DOCK2: variants seen among roughly 807,000 people sequenced by gnomAD.
DOCK2 encodes the protein dedicator of cytokinesis protein 2.
Under a neutral mutation model 248.9 loss-of-function variants are expected in DOCK2, and 87 were observed. The ratio of observed to expected loss-of-function variants is 0.35; its 90% CI spans 0.29 to 0.42. The LOEUF (loss-of-function observed/expected upper bound fraction) is 0.42, where lower values mean the gene tolerates loss of function less well. Ranked by LOEUF, DOCK2 falls within the 10% of genes least tolerant of loss-of-function variation. The pLI, the probability that DOCK2 is intolerant of heterozygous loss-of-function variation, is 1.00. For synonymous variants in DOCK2, 805 were observed against 821.6 expected (o/e 0.98, Z 0.35); for missense variants, 1,747 against 2,300.2 (o/e 0.76, Z 4.92).
intron 27 of DOCK2, among the ~76,000 whole-genome samples, chr5:169,850,259 G>A (rs1048513053): frequency 6.6e-6 from 1 of 152,162 alleles, no homozygotes; most frequent in African/African-American, 2.4e-5. Flanking sequence ...AGAGGAAATG[G>A]CCATTAGAGA....
intron 33 of DOCK2, among the ~76,000 whole-genome samples, chr5:170,027,635 GCT>G (rs150089579): frequency 8.7e-5 from 13 of 149,860 alleles, no homozygotes; most frequent in Non-Finnish European, 8.9e-5. Flanking sequence ...TCTCGCACGT[GCT>G]CTCTCTCTCT....
rs1218885712 is a variant in DOCK2 at position 169,961,978 on chromosome 5, C to A, written c.2800-21090C>A. ...TGGGTGAAAAAGTGAGACTCTGTCC[C>A]AAAAAAAAAAAAAAAAATGGAGAAA... On this transcript the variant is annotated intron_variant, in intron 27 of 51. Transcript: ENST00000520908. Among the ~76,000 whole-genome samples, 210 of 74,534 alleles carry A rather than the reference C, an allele frequency of 2.8e-3. 23 individuals carry two copies. Among genetic ancestry groups the A allele is most frequent in the African/African-American group, 7.2e-3 (107 of 14,772 alleles). 48.9% of individuals were successfully genotyped at this position (74,534 alleles called of 152,430 possible). A position where few individuals can be genotyped will look rare whatever the true frequency, so the allele number is the denominator to read the frequency against.
Position 169,881,588 on chromosome 5 carries a change from A to G in DOCK2, c.2799+40736A>G, listed in dbSNP as rs1036967955. The stretch of plus-strand genomic sequence containing the variant: ...GGCCATTACAAATAAGGAAACAAGA[A>G]TGTCACGACAATAGGAGCTCACATG... On this transcript the variant is annotated intron_variant, in intron 27 of 51. Transcript: ENST00000520908. 57 of 652,824 alleles carry G rather than the reference A, an allele frequency of 8.7e-5. No homozygotes were observed. The Middle Eastern group carries it at 1.2e-3, about 14-fold the overall frequency. 40.4% of individuals were successfully genotyped at this position (652,824 alleles called of 1,614,324 possible). A position where few individuals can be genotyped will look rare whatever the true frequency, so the allele number is the denominator to read the frequency against.
chr5:169,732,440 C>T (rs1056266648), intron 22 of DOCK2, among the ~76,000 whole-genome samples: 32 of 152,148 alleles, frequency 2.1e-4, no homozygotes, highest in African/African-American at 7.7e-4. Context: ...AGAAATCCAG[C>T]CTCACCTCTT....
At chr5:169,675,827 C>T (rs1340716723) in intron 6 of DOCK2, among the ~76,000 whole-genome samples, 2 of 152,166 alleles carry the variant, frequency 1.3e-5, no homozygotes, top group Admixed American at 6.5e-5. Context: ...GGGGAGGATT[C>T]GGAGAGGAAA....
At chr5:170,038,273 T>G (rs1368796696) in intron 36 of DOCK2, among the ~76,000 whole-genome samples, 7 of 152,162 alleles carry the variant, frequency 4.6e-5, no homozygotes, top group Admixed American at 4.6e-4. Context: ...TCCAACCTTG[T>G]TTCTCCCCTT....
chr5:169,848,033 C>T, intron 27 of DOCK2, among the ~76,000 whole-genome samples: 1 of 152,160 alleles, frequency 6.6e-6, no homozygotes. Flanking sequence ...TCCTGGGGAA[C>T]AATTTCCTCA....
Position 170,047,559 on chromosome 5 carries a change from A to C in DOCK2, c.4016A>C (p.Lys1339Thr), listed in dbSNP as rs767874901. 6.2e-7 allele frequency: 1 copy of C among 1,613,830 alleles called. No individual in the cohort carries two copies. Among genetic ancestry groups the C allele is most frequent in the South Asian group, 1.1e-5 (1 of 91,004 alleles). The change falls in exon 40 of 52, where the codon AAA becomes ACA. Residue 1339 changes from lysine to threonine, a missense_variant. Coordinates refer to ENST00000520908, the MANE Select transcript of DOCK2 (RefSeq NM_004946.3). ...YESIMKILRP[K>T]PDYFAVGYYG... ...AGCATCATGAAAATCCTCAGGCCCAAACCAGACTACTTTGCTGTTGGATAC... is the reference window on the plus strand; with the variant it reads ...AGCATCATGAAAATCCTCAGGCCCACACCAGACTACTTTGCTGTTGGATAC...
chr5:169,849,927 C>A (rs547751148), intron 27 of DOCK2, among the ~76,000 whole-genome samples: 1 of 152,336 alleles, frequency 6.6e-6, no homozygotes, highest in African/African-American at 2.4e-5. Context: ...TCAATGAACA[C>A]CTGCTAAATG....
At chr5:169,965,104 A>G (rs1426644486) in intron 27 of DOCK2, among the ~76,000 whole-genome samples, 1 of 152,238 alleles carries the variant, frequency 6.6e-6, no homozygotes, top group Non-Finnish European at 1.5e-5. Context: ...ATTGCTGCAC[A>G]TAGTATGTAA....
In DOCK2 at chr5:170,027,956, C is replaced by G; in HGVS notation, c.3467+8C>G. Reference sequence around the variant, plus strand: ...GCAGCTCCTGGAGTCAATGTAAGTTCAGTGCCCTGTGTGTAGGAACAGCCT... The same window carrying G: ...GCAGCTCCTGGAGTCAATGTAAGTTGAGTGCCCTGTGTGTAGGAACAGCCT... On this transcript the variant is annotated splice_region_variant and intron_variant, in intron 34 of 51. Transcript: ENST00000520908. 1 of 1,610,226 alleles carries G rather than the reference C, an allele frequency of 6.2e-7. No individual in the cohort carries two copies. The highest frequency in any genetic ancestry group is 8.5e-7 in the Non-Finnish European group (1 of 1,177,798).
At chr5:169,699,189 C>T (rs919024192) in intron 11 of DOCK2, among the ~76,000 whole-genome samples, 193 bp from the exon 12 acceptor site, 1 of 152,188 alleles carries the variant, frequency 6.6e-6, no homozygotes, top group African/African-American at 2.4e-5. Context: ...CATTGATATT[C>T]CCAAATTTCA....
chr5:169,691,130 C>A (rs1479174518), intron 9 of DOCK2, among the ~76,000 whole-genome samples: 1 of 152,168 alleles, frequency 6.6e-6, no homozygotes, highest in African/African-American at 2.4e-5. Context: ...GGAAAGCAGG[C>A]TTGTCCTATG....
At chr5:169,789,584 C>T (rs1407158351) in intron 25 of DOCK2, among the ~76,000 whole-genome samples, 1 of 152,238 alleles carries the variant, frequency 6.6e-6, no homozygotes, top group Non-Finnish European at 1.5e-5. Flanking sequence ...CCTCCCATCT[C>T]ATACTTTCCC....
chr5:169,917,054 C>T (rs761830749), intron 27 of DOCK2, among the ~76,000 whole-genome samples: 1 of 152,238 alleles, frequency 6.6e-6, no homozygotes, highest in Non-Finnish European at 1.5e-5. Flanking sequence ...CTATATGCCT[C>T]TCTTACTACT....
At chr5:170,006,399 G>A (rs867197806) in intron 30 of DOCK2, among the ~76,000 whole-genome samples, 18 of 152,086 alleles carry the variant, frequency 1.2e-4, no homozygotes, top group Non-Finnish European at 2.1e-4. Context: ...TGCAGCCTCC[G>A]CCTCCTGGGT....
At chr5:169,724,051 T>G (rs1762345664) in intron 22 of DOCK2, among the ~76,000 whole-genome samples, 1 of 152,124 alleles carries the variant, frequency 6.6e-6, no homozygotes, top group Non-Finnish European at 1.5e-5. Flanking sequence ...GAGTGAGGCT[T>G]TGCACTCTGC....
intron 22 of DOCK2, among the ~76,000 whole-genome samples, chr5:169,738,709 G>C (rs931187850): frequency 1.3e-5 from 2 of 152,196 alleles, no homozygotes; most frequent in African/African-American, 4.8e-5. Flanking sequence ...ACGTAAGGAA[G>C]AACTCTTTGA....
intron 25 of DOCK2, among the ~76,000 whole-genome samples, chr5:169,788,386 G>C (rs562783073): frequency 1.3e-5 from 2 of 152,172 alleles, no homozygotes. Context: ...ACACAGTCAA[G>C]TGACTTGAAA....
Sources: allele counts gnomAD v4.1 joint callset (sites outside exome capture counted in the v4.1 genomes callset), GRCh38; gene constraint gnomAD v4.1.1; transcripts MANE v1.5; gene names NCBI Gene and HGNC (gene_info 2026-07-23, HGNC 2026-07-21).